FHOD3: variants seen among roughly 807,000 people sequenced by gnomAD.
FHOD3 encodes formin homology 2 domain containing 3.
FHOD3 carries 90 observed loss-of-function variants against 173.0 expected under a neutral mutation model. The ratio of observed to expected loss-of-function variants is 0.52; its 90% CI spans 0.44 to 0.62. The LOEUF (loss-of-function observed/expected upper bound fraction) is 0.62, where lower values mean the gene tolerates loss of function less well. Ranked by LOEUF, FHOD3 falls within the 20% of genes least tolerant of loss-of-function variation. The probability of loss-of-function intolerance (pLI) is 0.00; values close to 1 mark genes in which losing one functional copy is unlikely to be tolerated. For synonymous variants in FHOD3, 828 were observed against 823.0 expected (o/e 1.01, Z -0.10); for missense variants, 1,945 against 2,034.7 (o/e 0.96, Z 0.85).
At chr18:36,674,398 GAGAC>G (rs1285354262) in intron 14 of FHOD3, among the ~76,000 whole-genome samples, 1 of 152,056 alleles carries the variant, frequency 6.6e-6, no homozygotes, top group African/African-American at 2.4e-5. Context: ...ATTTTTTTGA[GAGAC>G]AGGGTCTTGC....
chr18:36,453,118 T>C (rs922626618), intron 3 of FHOD3, among the ~76,000 whole-genome samples: 1 of 152,136 alleles, frequency 6.6e-6, no homozygotes, highest in Non-Finnish European at 1.5e-5. Context: ...AGATACTAGA[T>C]ATTTGCCAGA....
chr18:36,479,800 C>T (rs745904087), intron 3 of FHOD3, among the ~76,000 whole-genome samples: 3 of 151,990 alleles, frequency 2.0e-5, no homozygotes, highest in Non-Finnish European at 2.9e-5. Context: ...AGTCTCATTC[C>T]GCTTTACCCT....
chr18:36,579,776 C>G (rs1487758498), intron 6 of FHOD3, among the ~76,000 whole-genome samples: 1 of 152,090 alleles, frequency 6.6e-6, no homozygotes, highest in Non-Finnish European at 1.5e-5. Context: ...GCCTCCAGAA[C>G]TGTGAGAAAT....
At chr18:36,587,051 C>T (rs1014528869) in intron 6 of FHOD3, among the ~76,000 whole-genome samples, 3 of 152,068 alleles carry the variant, frequency 2.0e-5, no homozygotes, top group African/African-American at 7.2e-5. Flanking sequence ...ATCAGCTCCT[C>T]AGTTCGAGAG....
intron 3 of FHOD3, among the ~76,000 whole-genome samples, chr18:36,446,664 T>G (rs1708698): frequency 0.79 from 120,063 of 152,104 alleles, 48,173 homozygotes; most frequent in African/African-American, 0.94. Context: ...CTGGAGGAAA[T>G]TTGCCTGGTT....
rs184825044 is a variant in FHOD3, at chr18:36,335,962, G to T, written c.166-19577G>T. Among the ~76,000 whole-genome samples, 34 of 152,288 alleles carry T rather than the reference G, an allele frequency of 2.2e-4. 1 individual carries two copies. In the East Asian group the frequency reaches 4.8e-3, roughly 22 times the overall value. On this transcript the variant is annotated intron_variant, in intron 1 of 28. Coordinates refer to ENST00000590592, the MANE Select transcript of FHOD3 (RefSeq NM_001281740.3). ...ATGCACATGACGGCACGGGCATCTC[G>T]CTGGGAGAACAGCATGAACGTTGTG...
intron 14 of FHOD3, among the ~76,000 whole-genome samples, chr18:36,661,092 TACCA>T (rs1461380321): frequency 6.6e-6 from 1 of 152,094 alleles, no homozygotes; most frequent in Non-Finnish European, 1.5e-5. Flanking sequence ...CTGGCTGTAT[TACCA>T]CTTTACTTAT....
At chr18:36,561,975 T>C (rs1340797118) in intron 5 of FHOD3, among the ~76,000 whole-genome samples, 1 of 130,214 alleles carries the variant, frequency 7.7e-6, no homozygotes, top group African/African-American at 2.8e-5. Flanking sequence ...TGTATTGTAT[T>C]GTATTGTATT....
chr18:36,429,477 A>C (rs1304089570), intron 3 of FHOD3, among the ~76,000 whole-genome samples: 2 of 152,156 alleles, frequency 1.3e-5, no homozygotes. Flanking sequence ...CTAGTATGTC[A>C]AGGAGGAGCC....
chr18:36,559,882 C>T (rs576813473), intron 5 of FHOD3, among the ~76,000 whole-genome samples: 1 of 152,228 alleles, frequency 6.6e-6, no homozygotes, highest in Admixed American at 6.5e-5. Flanking sequence ...CCCGGTCCCA[C>T]AGCATGAATT....
At chr18:36,476,673 C>A (rs1001987133) in intron 3 of FHOD3, among the ~76,000 whole-genome samples, 7 of 152,200 alleles carry the variant, frequency 4.6e-5, no homozygotes, top group African/African-American at 1.7e-4. Context: ...TACTTCAAAG[C>A]AAGTCATGGG....
intron 1 of FHOD3, among the ~76,000 whole-genome samples, chr18:36,309,454 G>A (rs577942833): frequency 2.0e-5 from 3 of 152,350 alleles, no homozygotes; most frequent in Admixed American, 1.3e-4. Flanking sequence ...CAACCGTGGA[G>A]GCTCTGCGTA....
intron 23 of FHOD3, 77 bp from the exon 24 acceptor site, chr18:36,746,868 A>G: frequency 1.8e-6 from 2 of 1,130,638 alleles, no homozygotes; most frequent in South Asian, 3.5e-5. Context: ...GTTTCTCCCC[A>G]GAGGCAGTTT....
At chr18:36,666,653 T>C (rs1347344442) in intron 14 of FHOD3, among the ~76,000 whole-genome samples, 1 of 152,248 alleles carries the variant, frequency 6.6e-6, no homozygotes, top group Non-Finnish European at 1.5e-5. Context: ...TAGTTTTTGC[T>C]TTTGTTAATA....
intron 1 of FHOD3, among the ~76,000 whole-genome samples, chr18:36,315,862 G>A (rs920861323): frequency 1.3e-5 from 2 of 152,110 alleles, no homozygotes; most frequent in African/African-American, 4.8e-5. Context: ...TACCTGATTG[G>A]TGTCTGTGAC....
At chr18:36,614,354 AT>A (rs1385907931) in intron 9 of FHOD3, among the ~76,000 whole-genome samples, 2 of 152,216 alleles carry the variant, frequency 1.3e-5, no homozygotes, top group African/African-American at 4.8e-5. Context: ...TGCTGACAGT[AT>A]TCTATTATAT....
At chr18:36,735,209 CAG>C (rs2041569551) in intron 20 of FHOD3, among the ~76,000 whole-genome samples, 1 of 152,114 alleles carries the variant, frequency 6.6e-6, no homozygotes, top group African/African-American at 2.4e-5. Context: ...ATCCTAGAAA[CAG>C]AAGTTTTCTT....
intron 3 of FHOD3, among the ~76,000 whole-genome samples, chr18:36,482,291 A>G (rs1212244686): frequency 1.3e-5 from 2 of 152,240 alleles, no homozygotes; most frequent in Non-Finnish European, 2.9e-5. Flanking sequence ...TGTGATAATG[A>G]TAAGTGCTAT....
intron 2 of FHOD3, among the ~76,000 whole-genome samples, chr18:36,359,719 C>T (rs2046520338): frequency 6.6e-6 from 1 of 152,192 alleles, no homozygotes; most frequent in Admixed American, 6.5e-5. Context: ...TACCATTAGT[C>T]TCATGGCTGT....
Sources: gnomAD v4.1 joint callset for allele counts (sites outside exome capture counted in the v4.1 genomes callset) on GRCh38, gnomAD v4.1.1 for gene constraint, MANE v1.5 for transcripts, NCBI Gene and HGNC (gene_info 2026-07-23, HGNC 2026-07-21) for gene names.